PIGN: variants seen among roughly 807,000 people sequenced by gnomAD.
PIGN encodes phosphatidylinositol glycan anchor biosynthesis class N.
A neutral mutation model predicts 125.4 loss-of-function variants in PIGN; 117 were observed. The ratio of observed to expected loss-of-function variants is 0.93; its 90% CI spans 0.80 to 1.09. PIGN has a LOEUF of 1.09. Among genes scored for constraint, PIGN ranks in the 50% least tolerant of loss-of-function variants. The pLI, the probability that PIGN is intolerant of heterozygous loss-of-function variation, is 0.00. For missense variants in PIGN, 1,075 were observed against 1,094.9 expected, an observed-to-expected ratio of 0.98 and a Z score of 0.26; for synonymous variants, 392 against 377.8, an observed-to-expected ratio of 1.04 and a Z score of -0.44.
intron 14 of PIGN, among the ~76,000 whole-genome samples, chr18:62,122,892 T>C (rs1290828749): frequency 6.6e-6 from 1 of 152,188 alleles, no homozygotes; most frequent in Non-Finnish European, 1.5e-5. Flanking sequence ...TATTCATCTA[T>C]AAAGTCTCTG....
At chr18:62,154,696 T>A in intron 6 of PIGN, 45 bp from the exon 7 acceptor site, 1 of 904,570 alleles carries the variant, frequency 1.1e-6, no homozygotes, top group Non-Finnish European at 1.8e-6. Flanking sequence ...CAAAATCTTT[T>A]AAACTATCAT....
At chr18:62,115,396 T>C (rs913805479) in intron 14 of PIGN, among the ~76,000 whole-genome samples, 1 of 152,254 alleles carries the variant, frequency 6.6e-6, no homozygotes, top group South Asian at 2.1e-4. Context: ...CAAATTTGAA[T>C]ATATGCTGCT....
chr18:62,157,772 A>C lies in PIGN; in HGVS notation c.258T>G (p.Ser86=), dbSNP rs1447218442. 6.2e-7 allele frequency: 1 copy of C among 1,612,354 alleles called. No individual in the cohort carries two copies. Residue 86 remains serine (S), a synonymous_variant, in exon 5 of 31, where the codon TCT becomes TCG. Coordinates refer to ENST00000640252, the MANE Select transcript of PIGN (RefSeq NM_176787.5). ...IIMHEGSWGI[S]HTRVPTESRP... The stretch of plus-strand genomic sequence containing the variant: ...GAGATTCTGTTGGCACACGTGTATG[A>C]GATATGCCCCAGCTGCCTTCATGCA...
intron 30 of PIGN, among the ~76,000 whole-genome samples, chr18:62,048,905 ATG>A (rs2030990891): frequency 8.1e-6 from 1 of 123,042 alleles, no homozygotes; most frequent in African/African-American, 3.1e-5. Flanking sequence ...TCCTGTGTCC[ATG>A]TGTTCTCATT....
At chr18:62,168,566 T>C (rs2037236718) in intron 1 of PIGN, among the ~76,000 whole-genome samples, 1 of 152,166 alleles carries the variant, frequency 6.6e-6, no homozygotes, top group Non-Finnish European at 1.5e-5. Context: ...TACTTCAGTG[T>C]TTACTTCCTA....
Position 62,148,294 on chromosome 18 carries a change from T to C in PIGN, c.594A>G (p.Lys198=). Residue 198 remains lysine (K), a synonymous_variant, in exon 8 of 31, where the codon AAA becomes AAG. Transcript: ENST00000640252. ...AAAAAACTATTTTCTCTTCATTTAT[T>C]TTAGAAAACAAAGACTGGTTGTTTC... The part of the protein sequence containing the change: ...HARNNQSLFS[K]INEEKIVFFL... 1 of 1,533,630 alleles carries C rather than the reference T, an allele frequency of 6.5e-7. No homozygotes were observed. Among genetic ancestry groups the C allele is most frequent in the Non-Finnish European group, 8.8e-7 (1 of 1,137,044 alleles).
chr18:62,083,648 T>C (rs1328494636), intron 27 of PIGN, among the ~76,000 whole-genome samples: 2 of 152,144 alleles, frequency 1.3e-5, no homozygotes, highest in Non-Finnish European at 2.9e-5. Context: ...GCTTGCTTGC[T>C]TGTTTTTAAT....
intron 14 of PIGN, among the ~76,000 whole-genome samples, chr18:62,116,415 A>C (rs915106911): frequency 1.3e-5 from 2 of 152,118 alleles, no homozygotes; most frequent in African/African-American, 4.8e-5. Flanking sequence ...ATCTTCCTGG[A>C]CTATTGATGA....
At chr18:62,026,433 G>A (rs2030119178) in intron 23 of PIGN, among the ~76,000 whole-genome samples, 1 of 152,132 alleles carries the variant, frequency 6.6e-6, no homozygotes, top group Admixed American at 6.5e-5. Context: ...TTCAAGAACA[G>A]GTGAAAATTT....
intron 1 of PIGN, among the ~76,000 whole-genome samples, chr18:62,177,575 C>T (rs899447620): frequency 6.6e-6 from 1 of 152,058 alleles, no homozygotes; most frequent in Non-Finnish European, 1.5e-5. Context: ...CCATCCTTTC[C>T]TGAGTCTTTA....
chr18:62,114,447 C>A (rs1429527092), intron 15 of PIGN, 114 bp downstream of exon 15: 8 of 657,846 alleles, frequency 1.2e-5, no homozygotes, highest in Admixed American at 2.5e-5. Context: ...GAAATGCAAT[C>A]CTTCCTTGAG....
chr18:62,039,063 G>A (rs993510166), downstream of PIGN, among the ~76,000 whole-genome samples: 2 of 151,882 alleles, frequency 1.3e-5, no homozygotes, highest in Non-Finnish European at 2.9e-5. Flanking sequence ...AGAGCAGAGA[G>A]AGAACTAGGG....
intron 20 of PIGN, chr18:62,103,821 T>C (rs1199224738): frequency 6.6e-6 from 1 of 152,236 alleles, no homozygotes; most frequent in Non-Finnish European, 1.5e-5. Flanking sequence ...GGTAATCATA[T>C]ATTCAACATG....
chr18:62,174,861 G>A (rs1428684276), intron 1 of PIGN, among the ~76,000 whole-genome samples: 4 of 150,714 alleles, frequency 2.7e-5, no homozygotes, highest in Admixed American at 1.3e-4. Flanking sequence ...TCATGGCTAT[G>A]AGACAATGAG....
At chr18:62,060,291 C>A (rs993556240) in intron 30 of PIGN, among the ~76,000 whole-genome samples, 22 of 152,310 alleles carry the variant, frequency 1.4e-4, no homozygotes, top group African/African-American at 5.1e-4. Context: ...CAGCAGTTCT[C>A]AAGGTGTGCA....
chr18:62,124,048 A>G (rs957842309), intron 14 of PIGN, among the ~76,000 whole-genome samples: 2 of 152,172 alleles, frequency 1.3e-5, no homozygotes, highest in African/African-American at 4.8e-5. Flanking sequence ...TCAAATTTTC[A>G]CAAAGGTGTT....
chr18:62,096,157 T>G (rs1028255573), intron 22 of PIGN, among the ~76,000 whole-genome samples: 2 of 152,026 alleles, frequency 1.3e-5, no homozygotes, highest in Admixed American at 6.5e-5. Context: ...TAGCTGGGTG[T>G]GGTGGCAGGC....
chr18:62,087,349 T>C (rs970869164), intron 25 of PIGN, among the ~76,000 whole-genome samples: 4 of 152,132 alleles, frequency 2.6e-5, no homozygotes, highest in Admixed American at 6.5e-5. Context: ...CTGAATAGAT[T>C]TGAGTGATCA....
chr18:62,096,516 C>CTTT (rs398033140), intron 22 of PIGN, among the ~76,000 whole-genome samples: 1,427 of 85,596 alleles, frequency 0.017, 241 homozygotes, highest in African/African-American at 0.07. Context: ...GAATTATTTT[C>CTTT]TTTTTTTTTT....
Sources: allele counts gnomAD v4.1 joint callset (sites outside exome capture counted in the v4.1 genomes callset), GRCh38; gene constraint gnomAD v4.1.1; transcripts MANE v1.5; gene names NCBI Gene and HGNC (gene_info 2026-07-23, HGNC 2026-07-21).